The following MAP3K5 variants were observed in gnomAD, a reference collection of about 807,000 sequenced individuals.
MAP3K5 encodes mitogen-activated protein kinase kinase kinase 5, also known as ASK-1.
Under a neutral mutation model 158.7 loss-of-function variants are expected in MAP3K5, and 56 were observed. The observed-to-expected ratio is 0.35, with a 90% confidence interval of 0.28 to 0.44. The LOEUF (loss-of-function observed/expected upper bound fraction) is 0.44. Ranked by LOEUF, MAP3K5 falls within the 20% of genes least tolerant of loss-of-function variation. The pLI is 1.00. For synonymous variants in MAP3K5, 579 were observed against 601.7 expected (o/e 0.96, Z 0.55); for missense variants, 1,294 against 1,674.8 (o/e 0.77, Z 3.97).
intron 18 of MAP3K5, among the ~76,000 whole-genome samples, chr6:136,605,708 A>G (rs557523553): frequency 2.6e-5 from 4 of 152,364 alleles, no homozygotes; most frequent in Admixed American, 2.0e-4. Context: ...CAATAACATC[A>G]GTACACATTT....
At chr6:136,619,260 C>A (rs1373493018) in intron 15 of MAP3K5, among the ~76,000 whole-genome samples, 2 of 152,032 alleles carry the variant, frequency 1.3e-5, no homozygotes, top group East Asian at 3.9e-4. Flanking sequence ...TCTTGGTATG[C>A]CCGATAGAGA....
chr6:136,650,051 A>T (rs912028077), intron 11 of MAP3K5, among the ~76,000 whole-genome samples: 17 of 152,086 alleles, frequency 1.1e-4, no homozygotes, highest in Non-Finnish European at 2.4e-4. Context: ...ACATTTATTT[A>T]TTGCTTTATT....
intron 14 of MAP3K5, among the ~76,000 whole-genome samples, chr6:136,632,145 T>G (rs1777393273): frequency 6.6e-6 from 1 of 152,282 alleles, no homozygotes; most frequent in South Asian, 2.1e-4. Flanking sequence ...CTGGCACCGC[T>G]GGACCACAGA....
At chr6:136,781,324 G>T (rs1784604610) in intron 1 of MAP3K5, among the ~76,000 whole-genome samples, 1 of 152,210 alleles carries the variant, frequency 6.6e-6, no homozygotes, top group Non-Finnish European at 1.5e-5. Context: ...ATCGAAAAAG[G>T]TAAGTCAGTT....
intron 14 of MAP3K5, among the ~76,000 whole-genome samples, chr6:136,635,905 A>G (rs968887998): frequency 6.6e-6 from 1 of 152,066 alleles, no homozygotes; most frequent in African/African-American, 2.4e-5. Flanking sequence ...CAAACAATTT[A>G]TTATATTAAA....
intron 17 of MAP3K5, among the ~76,000 whole-genome samples, chr6:136,612,718 T>C (rs1246785988): frequency 1.3e-5 from 2 of 152,224 alleles, no homozygotes; most frequent in Non-Finnish European, 2.9e-5. Context: ...TTTTTTCTTC[T>C]AACCATTCAT....
At chr6:136,593,714 C>CAAAAAAAAAAAAAAAA (rs760563651) in intron 21 of MAP3K5, 4 of 243,040 alleles carry the variant, frequency 1.6e-5, no homozygotes, top group Non-Finnish European at 2.3e-5. Context: ...GACAGATATG[C>CAAAAAAAAAAAAAAAA]AAAAAAAAAA....
intron 7 of MAP3K5, among the ~76,000 whole-genome samples, chr6:136,688,114 T>C (rs2114628537): frequency 6.6e-6 from 1 of 152,270 alleles, no homozygotes; most frequent in African/African-American, 2.4e-5. Flanking sequence ...TTCATGTCCT[T>C]TGCAGGTACA....
intron 7 of MAP3K5, among the ~76,000 whole-genome samples, chr6:136,671,264 G>A (rs1779472206): frequency 6.6e-6 from 1 of 152,134 alleles, no homozygotes; most frequent in Non-Finnish European, 1.5e-5. Flanking sequence ...TCTCCTATGT[G>A]CCAAAACCAA....
chr6:136,732,132 AAGGAG>A (rs1562654278), intron 1 of MAP3K5, among the ~76,000 whole-genome samples: 3 of 152,162 alleles, frequency 2.0e-5, no homozygotes, highest in African/African-American at 4.8e-5. Flanking sequence ...TAAAGGTAAG[AAGGAG>A]AGAAGTACCA....
chr6:136,768,691 A>G (rs964165476), intron 1 of MAP3K5, among the ~76,000 whole-genome samples: 2 of 152,140 alleles, frequency 1.3e-5, no homozygotes, highest in African/African-American at 4.8e-5. Context: ...AGGTGGGTGT[A>G]TCACTTGAGG....
At chr6:136,714,620 G>T (rs1167064702) in intron 2 of MAP3K5, among the ~76,000 whole-genome samples, 2 of 152,030 alleles carry the variant, frequency 1.3e-5, no homozygotes, top group Non-Finnish European at 2.9e-5. Flanking sequence ...AAATATGTGG[G>T]TTGCTTCCAC....
At chr6:136,749,460 T>C (rs921999212) in intron 1 of MAP3K5, among the ~76,000 whole-genome samples, 4 of 151,922 alleles carry the variant, frequency 2.6e-5, no homozygotes, top group African/African-American at 9.7e-5. Context: ...TGATACTCTG[T>C]TGGCCGGTTT....
chr6:136,681,909 ACT>A (rs1467107978), intron 7 of MAP3K5, among the ~76,000 whole-genome samples: 5 of 151,892 alleles, frequency 3.3e-5, no homozygotes, highest in African/African-American at 1.2e-4. Flanking sequence ...ACAGAGCAAG[ACT>A]CTGTTTTAAA....
Position 136,613,136 on chromosome 6 carries a change from A to G in MAP3K5, c.2399T>C (p.Val800Ala). 6.2e-7 allele frequency: 1 copy of G among 1,609,738 alleles called. No individual in the cohort carries two copies. The highest frequency in any genetic ancestry group is 8.5e-7 in the Non-Finnish European group (1 of 1,178,372). The change falls in exon 17 of 30, where the codon GTT (valine) becomes GCT (alanine). Residue 800 changes from valine (V) to alanine (A), a missense_variant. Physicochemically the swap from Val to Ala is moderately conservative, Grantham distance 64 (BLOSUM62 0). This residue lies in a region of MAP3K5 where 362 missense variants were observed against 463.2 expected (regional missense o/e 0.78). Coordinates refer to ENST00000359015, the MANE Select transcript of MAP3K5 (RefSeq NM_005923.4). This position sits in a 1 kb window ranked among gnomAD's most constrained non-coding sequence, Gnocchi z 4.0. The stretch of plus-strand genomic sequence containing the variant: ...GTACCTCACCTTTATGTCCCGGTGA[A>G]CTATCTGATTGTCATGGAGATATTT... ...GLKYLHDNQI[V>A]HRDIKGDNVL... is the part of the protein sequence containing the mutation.
In MAP3K5 at chr6:136,695,942, T is replaced by C; in HGVS notation, c.1082+9A>G. ...TAACGCATTCTGGAAGGGAACTTTT[T>C]CTTCTTACCTATTCAGTGCAAATGC... On this transcript the variant is annotated intron_variant, in intron 6 of 29. Coordinates refer to ENST00000359015, the MANE Select transcript of MAP3K5 (RefSeq NM_005923.4). 6.4e-7 allele frequency: 1 copy of C among 1,568,558 alleles called. No homozygotes were observed. The highest frequency in any genetic ancestry group is 8.7e-7 in the Non-Finnish European group (1 of 1,144,022).
chr6:136,757,562 T>C (rs140607121), intron 1 of MAP3K5, among the ~76,000 whole-genome samples: 82 of 143,956 alleles, frequency 5.7e-4, no homozygotes, highest in Middle Eastern at 3.5e-3. Flanking sequence ...GAACTCATTT[T>C]ATAGATTTAT....
intron 2 of MAP3K5, among the ~76,000 whole-genome samples, chr6:136,713,168 G>A (rs1459490081): frequency 1.3e-5 from 2 of 152,206 alleles, no homozygotes; most frequent in African/African-American, 4.8e-5. Context: ...AGCAAGGCTT[G>A]CCCCACTCCT....
At chr6:136,574,479 AGCACG>A (rs1774509951) in intron 25 of MAP3K5, among the ~76,000 whole-genome samples, 1 of 152,130 alleles carries the variant, frequency 6.6e-6, no homozygotes, top group African/African-American at 2.4e-5. Context: ...CTCTTACCTT[AGCACG>A]GCCATCATAG....
Sources: allele counts gnomAD v4.1 joint callset (sites outside exome capture counted in the v4.1 genomes callset), GRCh38; gene constraint gnomAD v4.1.1; regional missense constraint gnomAD v4.1.1; non-coding constraint Gnocchi (gnomAD v3.1); transcripts MANE v1.5; gene names NCBI Gene and HGNC (gene_info 2026-07-23, HGNC 2026-07-21).